SMYD3: variants seen among roughly 807,000 people sequenced by gnomAD.
SMYD3 encodes SET and MYND domain containing 3.
SMYD3 carries 36 observed loss-of-function variants against 57.7 expected under a neutral mutation model. The observed-to-expected ratio is 0.62, with a 90% CI of 0.48 to 0.82. The LOEUF is 0.82. Ranked by LOEUF, SMYD3 falls within the 40% of genes least tolerant of loss-of-function variation. SMYD3 has a pLI of 0.00. For missense variants in SMYD3, 515 were observed against 538.8 expected, an observed-to-expected ratio of 0.96 and a Z score of 0.44; for synonymous variants, 211 against 195.0, an observed-to-expected ratio of 1.08 and a Z score of -0.68.
intron 1 of SMYD3, among the ~76,000 whole-genome samples, chr1:246,408,065 A>C (rs866791133): frequency 9.9e-5 from 15 of 151,800 alleles, no homozygotes; most frequent in African/African-American, 3.6e-4. Flanking sequence ...CTCTTTTATG[A>C]GGGCGCTAAT....
chr1:246,444,318 G>A (rs532132335), intron 1 of SMYD3, among the ~76,000 whole-genome samples: 10 of 151,988 alleles, frequency 6.6e-5, no homozygotes, highest in South Asian at 2.1e-4. Context: ...TAGAGACGGG[G>A]TTTCACCATG....
At chr1:246,073,526 G>A (rs1012837809) in intron 5 of SMYD3, among the ~76,000 whole-genome samples, 2 of 151,954 alleles carry the variant, frequency 1.3e-5, no homozygotes, top group Non-Finnish European at 2.9e-5. Flanking sequence ...AGACCAGCCT[G>A]GGCAACATGG....
At chr1:246,079,621 TCA>T (rs1231507163) in intron 5 of SMYD3, among the ~76,000 whole-genome samples, 2 of 152,298 alleles carry the variant, frequency 1.3e-5, no homozygotes, top group African/African-American at 4.8e-5. Context: ...TGTCTGTCAC[TCA>T]CAGAATTCAA....
intron 5 of SMYD3, among the ~76,000 whole-genome samples, chr1:246,190,960 C>T (rs2062728435): frequency 6.6e-6 from 1 of 152,184 alleles, no homozygotes; most frequent in Admixed American, 6.5e-5. Context: ...GCTTACCATG[C>T]AATATTCAAC....
chr1:246,315,614 C>T (rs1010979534), intron 5 of SMYD3, among the ~76,000 whole-genome samples: 22 of 152,180 alleles, frequency 1.4e-4, no homozygotes, highest in African/African-American at 4.8e-4. Context: ...TACCAGGACA[C>T]GCTGATACGT....
intron 10 of SMYD3, among the ~76,000 whole-genome samples, chr1:245,801,579 C>G (rs1413633801): frequency 6.6e-6 from 1 of 152,158 alleles, no homozygotes; most frequent in Non-Finnish European, 1.5e-5. Flanking sequence ...ATCCAGCAGA[C>G]TCTCCATTTC....
At chr1:246,013,505 G>T (rs1001918566) in intron 5 of SMYD3, among the ~76,000 whole-genome samples, 2 of 152,104 alleles carry the variant, frequency 1.3e-5, no homozygotes, top group Admixed American at 6.5e-5. Context: ...GTAGCAGCAG[G>T]TACTCTGTGG....
chr1:245,981,652 T>G (rs1055706080), intron 5 of SMYD3, among the ~76,000 whole-genome samples: 3 of 152,094 alleles, frequency 2.0e-5, no homozygotes, highest in Non-Finnish European at 4.4e-5. Context: ...AAAAGTCCAA[T>G]CTATCCTGCC....
At chr1:246,462,823 C>G (rs979304584) in intron 1 of SMYD3, among the ~76,000 whole-genome samples, 2 of 151,980 alleles carry the variant, frequency 1.3e-5, no homozygotes, top group African/African-American at 4.8e-5. Context: ...GAGATACATA[C>G]TATACAATTT....
At chr1:246,131,853 T>C (rs1558255942) in intron 5 of SMYD3, among the ~76,000 whole-genome samples, 1 of 152,154 alleles carries the variant, frequency 6.6e-6, no homozygotes, top group East Asian at 1.9e-4. Flanking sequence ...TATATGAAAC[T>C]AAATATTTTC....
chr1:245,798,119 C>A (rs184005404), intron 10 of SMYD3, among the ~76,000 whole-genome samples: 3 of 151,838 alleles, frequency 2.0e-5, no homozygotes, highest in Non-Finnish European at 4.4e-5. Flanking sequence ...CAACTCTTGG[C>A]TATTACTGGC....
intron 5 of SMYD3, among the ~76,000 whole-genome samples, chr1:246,022,062 C>T (rs977304755): frequency 2.0e-5 from 3 of 152,222 alleles, no homozygotes; most frequent in African/African-American, 7.2e-5. Flanking sequence ...AACACAGCCA[C>T]AGACTGTGGT....
chr1:245,952,319 G>C (rs1178124007), intron 5 of SMYD3, among the ~76,000 whole-genome samples: 1 of 151,924 alleles, frequency 6.6e-6, no homozygotes, highest in African/African-American at 2.4e-5. Context: ...AACAAGGCAT[G>C]AAAAGAAAAG....
intron 10 of SMYD3, among the ~76,000 whole-genome samples, chr1:245,833,214 C>T (rs1470548236): frequency 6.6e-6 from 1 of 152,188 alleles, no homozygotes; most frequent in Admixed American, 6.5e-5. Flanking sequence ...TAACATCTTA[C>T]ATTACCAAGG....
intron 5 of SMYD3, 94 bp downstream of exon 5, chr1:246,327,107 C>G (rs1338429488): frequency 2.7e-6 from 4 of 1,467,828 alleles, no homozygotes; most frequent in Non-Finnish European, 3.8e-6. Context: ...TCTTGAATTT[C>G]CTGTCAAGAT....
intron 2 of SMYD3, among the ~76,000 whole-genome samples, chr1:246,346,096 A>G (rs1048962696): frequency 2.6e-5 from 4 of 152,160 alleles, no homozygotes; most frequent in African/African-American, 9.7e-5. Flanking sequence ...CATCCTGGCT[A>G]ACACGGTAAC....
chr1:245,895,208 G>C (rs540848210), intron 8 of SMYD3, among the ~76,000 whole-genome samples: 1 of 152,046 alleles, frequency 6.6e-6, no homozygotes. Context: ...ATTCACTCTG[G>C]GGGAAACCCA....
At chr1:245,813,014 T>TC in intron 10 of SMYD3, among the ~76,000 whole-genome samples, 1 of 111,190 alleles carries the variant, frequency 9.0e-6, no homozygotes, top group African/African-American at 3.4e-5. Flanking sequence ...TCTTTTTTTT[T>TC]TTTTTTTTTT....
chr1:245,812,701 CAA>C (rs10636374), intron 10 of SMYD3, among the ~76,000 whole-genome samples: 5 of 130,942 alleles, frequency 3.8e-5, no homozygotes, highest in East Asian at 2.3e-4. Flanking sequence ...ACAACAGTTC[CAA>C]AAAAAAAAAA....
Sources: gnomAD v4.1 joint callset for allele counts (sites outside exome capture counted in the v4.1 genomes callset) on GRCh38, gnomAD v4.1.1 for gene constraint, MANE v1.5 for transcripts, NCBI Gene and HGNC (gene_info 2026-07-23, HGNC 2026-07-21) for gene names.